The following NHSL1 variants were observed in gnomAD, a reference collection of about 807,000 sequenced individuals.
NHSL1 encodes the protein NHS-like protein 1.
In NHSL1, 48 loss-of-function variants were observed where a neutral mutation model predicts 95.0. The ratio of observed to expected loss-of-function variants is 0.51; its 90% CI spans 0.40 to 0.64. The LOEUF (loss-of-function observed/expected upper bound fraction) is 0.64. NHSL1 is among the 30% of genes least tolerant of loss of function. NHSL1 has a pLI of 0.00. For synonymous variants in NHSL1, 783 were observed against 833.9 expected (o/e 0.94, Z 1.05); for missense variants, 1,971 against 2,077.7 (o/e 0.95, Z 1.00).
chr6:138,633,446 A>T (rs986758353), intron 1 of NHSL1, among the ~76,000 whole-genome samples: 1 of 152,242 alleles, frequency 6.6e-6, no homozygotes, highest in African/African-American at 2.4e-5. Flanking sequence ...GCAAGGAAAA[A>T]GAAACAGCAT....
chr6:138,480,207 C>T (rs1779330878), intron 2 of NHSL1, among the ~76,000 whole-genome samples: 1 of 152,204 alleles, frequency 6.6e-6, no homozygotes, highest in Non-Finnish European at 1.5e-5. Flanking sequence ...TACTAAACTC[C>T]TGCAAATCGT....
At chr6:138,598,503 C>G (rs1465511937) in intron 1 of NHSL1, among the ~76,000 whole-genome samples, 2 of 151,742 alleles carry the variant, frequency 1.3e-5, no homozygotes, top group Non-Finnish European at 2.9e-5. Context: ...CACCTGTAGC[C>G]CCAGCTACTC....
chr6:138,629,932 T>C (rs779312015), intron 1 of NHSL1, among the ~76,000 whole-genome samples: 36 of 152,196 alleles, frequency 2.4e-4, no homozygotes, highest in Admixed American at 5.2e-4. Flanking sequence ...TAGTACACAA[T>C]TACTTCCCCC....
At chr6:138,521,740 AC>A (rs1781692000) in intron 1 of NHSL1, among the ~76,000 whole-genome samples, 1 of 152,174 alleles carries the variant, frequency 6.6e-6, no homozygotes, top group Non-Finnish European at 1.5e-5. Flanking sequence ...CCCGGAGGAA[AC>A]AGTGGCTAGA....
upstream of NHSL1, among the ~76,000 whole-genome samples, chr6:138,576,706 C>T (rs1463002453): frequency 6.6e-6 from 1 of 152,174 alleles, no homozygotes; most frequent in Non-Finnish European, 1.5e-5. Flanking sequence ...GGCCAGCACC[C>T]CCCTCCTTCA....
At chr6:138,674,294 G>A (rs140109280) in intron 1 of NHSL1, among the ~76,000 whole-genome samples, 91 of 149,812 alleles carry the variant, frequency 6.1e-4, no homozygotes, top group African/African-American at 1.3e-3. Flanking sequence ...TTTTTGAAGC[G>A]TGTAATTTGG....
chr6:138,444,020 A>C (rs537559437), intron 4 of NHSL1, among the ~76,000 whole-genome samples: 1 of 152,240 alleles, frequency 6.6e-6, no homozygotes, highest in African/African-American at 2.4e-5. Flanking sequence ...CTTCTACTGG[A>C]TTATACATTT....
chr6:138,499,841 A>G (rs372364397), upstream of NHSL1, among the ~76,000 whole-genome samples: 26 of 152,090 alleles, frequency 1.7e-4, no homozygotes, highest in Admixed American at 1.3e-4. Flanking sequence ...TTTAGGGGGG[A>G]AAAAAACCAA....
At chr6:138,533,749 G>A (rs973377204) in intron 1 of NHSL1, among the ~76,000 whole-genome samples, 1 of 152,036 alleles carries the variant, frequency 6.6e-6, no homozygotes, top group Non-Finnish European at 1.5e-5. Context: ...TTTTTCCTTG[G>A]TGAGTAAATC....
Position 138,499,395 on chromosome 6 carries a change from C to T in NHSL1, c.-105G>A. The T allele has an allele frequency of 6.7e-7, 1 of 1,499,186 alleles. No individual in the cohort carries two copies. Among genetic ancestry groups the T allele is most frequent in the Non-Finnish European group, 8.9e-7 (1 of 1,119,648 alleles). 92.9% of individuals were successfully genotyped at this position (1,499,186 alleles called of 1,614,324 possible). A position where few individuals can be genotyped will look rare whatever the true frequency, so the allele number is the denominator to read the frequency against. On this transcript the variant is annotated 5_prime_UTR_variant, in exon 1 of 8. Transcript: ENST00000343505. ...CTTCTGCTACAGATTCTAACTTTTT[C>T]TTCCCCCGGTCTCATATCCTTAGAC...
chr6:138,540,022 T>C (rs1289877110), intron 1 of NHSL1, among the ~76,000 whole-genome samples: 2 of 152,276 alleles, frequency 1.3e-5, no homozygotes, highest in Admixed American at 6.5e-5. Context: ...TTGTTTCATT[T>C]ATTAAATTCC....
intron 1 of NHSL1, among the ~76,000 whole-genome samples, chr6:138,633,481 C>T (rs1430143257): frequency 1.3e-5 from 2 of 152,204 alleles, no homozygotes; most frequent in Admixed American, 6.5e-5. Context: ...ATACATCTGG[C>T]AGTGGACTTT....
rs753044074 is a variant in NHSL1, at chr6:138,442,019, T to C, written c.628A>G (p.Ile210Val). The stretch of plus-strand genomic sequence containing the variant: ...TGTATGTTGTCAGGGACTCCTGTAA[T>C]AGTCTTTCTCCTTTTGACTTTCTTC... ...RPKKVKRRKT[I>V]TGVPDNIQKE... The change falls in exon 5 of 8, where the codon ATT becomes GTT. Residue 210 changes from isoleucine to valine, a missense_variant. Transcript: ENST00000343505. 1.9e-6 allele frequency: 3 copies of C among 1,551,492 alleles called. No homozygotes were observed. The highest frequency in any genetic ancestry group is 2.6e-6 in the Non-Finnish European group (3 of 1,146,872).
intron 1 of NHSL1, among the ~76,000 whole-genome samples, chr6:138,600,892 T>C (rs989568876): frequency 1.3e-5 from 2 of 152,216 alleles, no homozygotes; most frequent in East Asian, 1.9e-4. Flanking sequence ...ATGATATATC[T>C]ACAAAAATCA....
chr6:138,428,802 A>G (rs747776198), intron 7 of NHSL1, among the ~76,000 whole-genome samples: 15 of 152,150 alleles, frequency 9.9e-5, no homozygotes, highest in Non-Finnish European at 2.2e-4. Context: ...AAAAAAAAAG[A>G]AAGGATCTTC....
At chr6:138,617,747 G>A (rs1386752560) in intron 1 of NHSL1, among the ~76,000 whole-genome samples, 1 of 152,214 alleles carries the variant, frequency 6.6e-6, no homozygotes, top group Admixed American at 6.5e-5. Context: ...GGAACTGCAG[G>A]TACTGCGTTC....
At chr6:138,522,739 C>A (rs1321293559) in intron 1 of NHSL1, among the ~76,000 whole-genome samples, 1 of 151,790 alleles carries the variant, frequency 6.6e-6, no homozygotes. Context: ...TGGGCCCAGG[C>A]GGCTGAGGCT....
chr6:138,638,730 T>C (rs992344119), intron 1 of NHSL1, among the ~76,000 whole-genome samples: 8 of 152,214 alleles, frequency 5.3e-5, no homozygotes, highest in Non-Finnish European at 1.2e-4. Context: ...AAAGCCCGCA[T>C]AGGAGCTTTC....
At chr6:138,486,592 C>G (rs992436686) in intron 2 of NHSL1, among the ~76,000 whole-genome samples, 1 of 152,188 alleles carries the variant, frequency 6.6e-6, no homozygotes, top group African/African-American at 2.4e-5. Context: ...AACCGCCCCC[C>G]TCCTCACCAC....
Sources: gnomAD v4.1 joint callset for allele counts (sites outside exome capture counted in the v4.1 genomes callset) on GRCh38, gnomAD v4.1.1 for gene constraint, MANE v1.5 for transcripts, NCBI Gene and HGNC (gene_info 2026-07-23, HGNC 2026-07-21) for gene names.